Variants in WDTC1 observed in about 807,000 individuals in gnomAD.
The protein encoded by WDTC1 is WD and tetratricopeptide repeats protein 1.
A neutral mutation model predicts 76.0 loss-of-function variants in WDTC1; 12 were observed. The ratio of observed to expected loss-of-function variants is 0.16; its 90% confidence interval spans 0.10 to 0.26. The LOEUF is 0.26. Among genes scored for constraint, WDTC1 ranks in the 10% least tolerant of loss-of-function variants. The probability of loss-of-function intolerance (pLI) is 1.00; values close to 1 mark genes in which losing one functional copy is unlikely to be tolerated. For missense variants in WDTC1, 511 were observed against 908.8 expected (o/e 0.56, Z 5.63); for synonymous variants, 326 against 350.8 (o/e 0.93, Z 0.79).
Position 27,305,127 on chromosome 1 carries a change from C to T in WDTC1, c.1770C>T (p.Pro590=), listed in dbSNP as rs2013922896. The T allele has an allele frequency of 6.2e-7, 1 of 1,614,148 alleles. No homozygotes were observed. Among genetic ancestry groups the T allele is most frequent in the South Asian group, 1.1e-5 (1 of 91,080 alleles). ...ESIVNCLQPH[P]SYCFLATSGI... ...TTGTCAACTGCCTGCAGCCACACCC[C>T]AGCTACTGCTTCCTGGCCACCAGTG... The change falls in exon 15 of 16, where the codon CCC becomes CCT. Residue 590 remains proline, a synonymous_variant. Coordinates refer to ENST00000319394, the MANE Select transcript of WDTC1 (RefSeq NM_001276252.2). This position sits in a 1 kb window ranked among gnomAD's most constrained non-coding sequence, Gnocchi z 4.6.
At chr1:27,288,123 T>C (rs1043349353) in intron 6 of WDTC1, among the ~76,000 whole-genome samples, 9 of 152,122 alleles carry the variant, frequency 5.9e-5, no homozygotes, top group African/African-American at 2.2e-4. Flanking sequence ...CTCTACTGCC[T>C]CTGGGCATTC....
In WDTC1 at chr1:27,234,648, C is replaced by T. The variant is rs2011448710; in HGVS notation, c.-403C>T. 2 of 395,640 alleles carry T rather than the reference C, an allele frequency of 5.1e-6. No individual in the cohort carries two copies. The highest frequency in any genetic ancestry group is 4.5e-6 in the Non-Finnish European group (1 of 224,522). The allele number at this position is 395,640 out of a possible 1,614,324, so 24.5% of individuals were successfully genotyped here. On this transcript the variant is annotated 5_prime_UTR_variant, in exon 1 of 16. Transcript: ENST00000319394. ...CGCGTTGCTGGGCTTCTCCTGGGTCCCCAGACAGCTGGAGGAGATAAACAG... is the reference window on the plus strand; with the variant it reads ...CGCGTTGCTGGGCTTCTCCTGGGTCTCCAGACAGCTGGAGGAGATAAACAG...
In WDTC1 at chr1:27,303,945, A is replaced by G; in HGVS notation, c.1643+150A>G. On this transcript the variant is annotated intron_variant, in intron 14 of 15. Transcript: ENST00000319394. This position sits in a 1 kb window ranked among gnomAD's most constrained non-coding sequence, Gnocchi z 4.8. Reference sequence around the variant, plus strand: ...AATGGCTTCACCTTTGTCAGCCTCTAAAGTTTTTTAATCTATGAAATGACC... The same window carrying G: ...AATGGCTTCACCTTTGTCAGCCTCTGAAGTTTTTTAATCTATGAAATGACC... 5.7e-6 allele frequency: 6 copies of G among 1,050,950 alleles called. No individual in the cohort carries two copies. Among genetic ancestry groups the G allele is most frequent in the Non-Finnish European group, 8.2e-6 (6 of 732,520 alleles). The allele number at this position is 1,050,950 out of a possible 1,614,324, so 65.1% of individuals were successfully genotyped here.
At chr1:27,254,168 T>A (rs1355853658) in intron 1 of WDTC1, among the ~76,000 whole-genome samples, 1 of 152,180 alleles carries the variant, frequency 6.6e-6, no homozygotes, top group African/African-American at 2.4e-5. Context: ...CTAGTTAGTT[T>A]GTCTGCCTGT....
At chr1:27,284,450 A>G (rs141038606) in intron 5 of WDTC1, among the ~76,000 whole-genome samples, 1 of 152,208 alleles carries the variant, frequency 6.6e-6, no homozygotes, top group Non-Finnish European at 1.5e-5. Flanking sequence ...CCTGAACAAG[A>G]TGATAGCTCC....
Position 27,292,244 on chromosome 1 carries a change from A to T in WDTC1, c.509A>T (p.His170Leu). 1 of 1,605,348 alleles carries T rather than the reference A, an allele frequency of 6.2e-7. No individual in the cohort carries two copies. Among genetic ancestry groups the T allele is most frequent in the Non-Finnish European group, 8.5e-7 (1 of 1,175,628 alleles). ...RQYDLRENSKHSEVLIDLTEY... is the reference protein window; with the variant it reads ...RQYDLRENSKLSEVLIDLTEY... ...TATGACCTTCGAGAGAACAGCAAAC[A>T]CTCGGAGGTGCTGATTGACCTGACA... Residue 170 changes from histidine (H) to leucine (L), a missense_variant, in exon 7 of 16, where the codon CAC (histidine) becomes CTC (leucine). By Grantham distance (99) the His-to-Leu change is moderately conservative. Coordinates refer to ENST00000319394, the MANE Select transcript of WDTC1 (RefSeq NM_001276252.2).
chr1:27,240,337 CTGA>C (rs987504326), intron 1 of WDTC1, among the ~76,000 whole-genome samples: 1 of 152,036 alleles, frequency 6.6e-6, no homozygotes, highest in African/African-American at 2.4e-5. Context: ...TAGTGTAGGG[CTGA>C]TATTTGAACC....
chr1:27,276,795 G>T (rs1455785695), intron 3 of WDTC1, among the ~76,000 whole-genome samples: 1 of 151,776 alleles, frequency 6.6e-6, no homozygotes, highest in Non-Finnish European at 1.5e-5. Flanking sequence ...TTTCCCTAAT[G>T]ACTAATGATG....
intron 3 of WDTC1, among the ~76,000 whole-genome samples, chr1:27,273,206 CT>C (rs57130485): frequency 7.7e-5 from 8 of 103,670 alleles, no homozygotes; most frequent in African/African-American, 3.0e-4. Context: ...TTTTTCTTTT[CT>C]TTTTTTTTTT....
At chr1:27,245,340 G>C (rs1413599091) in intron 1 of WDTC1, among the ~76,000 whole-genome samples, 1 of 151,692 alleles carries the variant, frequency 6.6e-6, no homozygotes, top group East Asian at 1.9e-4. Flanking sequence ...AATATTTATT[G>C]GTGCCTGCTA....
Position 27,301,489 on chromosome 1 carries a change from G to T in WDTC1, c.1468+28G>T. 1 of 1,603,110 alleles carries T rather than the reference G, an allele frequency of 6.2e-7. No homozygotes were observed. The highest frequency in any genetic ancestry group is 1.1e-5 in the South Asian group (1 of 90,766). On this transcript the variant is annotated intron_variant, in intron 13 of 15. Transcript: ENST00000319394. This position sits in a 1 kb window ranked among gnomAD's most constrained non-coding sequence, Gnocchi z 5.8. ...GAGTGGGCACTGAGGAGGGGGTGCTGTTACTCTTTCTCTTTGAGATGCTGC... is the reference window on the plus strand; with the variant it reads ...GAGTGGGCACTGAGGAGGGGGTGCTTTTACTCTTTCTCTTTGAGATGCTGC...
At chr1:27,265,465 G>A (rs996848481) in intron 3 of WDTC1, among the ~76,000 whole-genome samples, 3 of 151,752 alleles carry the variant, frequency 2.0e-5, no homozygotes, top group African/African-American at 7.3e-5. Flanking sequence ...GGGCAACATA[G>A]CGAGACCTTG....
chr1:27,277,997 C>T (rs1240460503), intron 3 of WDTC1, among the ~76,000 whole-genome samples: 1 of 152,052 alleles, frequency 6.6e-6, no homozygotes, highest in South Asian at 2.1e-4. Flanking sequence ...TGCATGATGA[C>T]ACCCAGCTAA....
intron 1 of WDTC1, among the ~76,000 whole-genome samples, chr1:27,254,655 C>T (rs1357237276): frequency 1.3e-5 from 2 of 151,694 alleles, no homozygotes; most frequent in Non-Finnish European, 2.9e-5. Context: ...TTTTTTGAGA[C>T]GGAGTTTCGC....
chr1:27,291,914 A>G (rs753949867), intron 6 of WDTC1, among the ~76,000 whole-genome samples: 9 of 152,162 alleles, frequency 5.9e-5, no homozygotes, highest in Non-Finnish European at 8.8e-5. Context: ...CATAAAGCAC[A>G]TTTTCACTAA....
intron 1 of WDTC1, among the ~76,000 whole-genome samples, chr1:27,240,663 G>T (rs1328211731): frequency 1.3e-5 from 2 of 152,064 alleles, no homozygotes. Flanking sequence ...TTGTGGCATT[G>T]AAGACTAATA....
intron 1 of WDTC1, among the ~76,000 whole-genome samples, chr1:27,256,568 T>G (rs2012287318): frequency 6.6e-6 from 1 of 152,242 alleles, no homozygotes; most frequent in Non-Finnish European, 1.5e-5. Flanking sequence ...TAAAAGTAGC[T>G]CACCAGTTAT....
intron 9 of WDTC1, 31 bp from the exon 10 acceptor site, chr1:27,296,294 TC>T: frequency 6.2e-7 from 1 of 1,613,740 alleles, no homozygotes; most frequent in African/African-American, 1.3e-5. Context: ...CCTCACAGCT[TC>T]CATCTCTTTT....
At chr1:27,256,431 A>G (rs1428313890) in intron 1 of WDTC1, among the ~76,000 whole-genome samples, 1 of 152,212 alleles carries the variant, frequency 6.6e-6, no homozygotes, top group Non-Finnish European at 1.5e-5. Context: ...TTCTCACTTT[A>G]TAGTGGTAAG....
Sources: allele counts gnomAD v4.1 joint callset (sites outside exome capture counted in the v4.1 genomes callset), GRCh38; gene constraint gnomAD v4.1.1; non-coding constraint Gnocchi (gnomAD v3.1); transcripts MANE v1.5; gene names NCBI Gene and HGNC (gene_info 2026-07-23, HGNC 2026-07-21).